GRID1: variants seen among roughly 807,000 people sequenced by gnomAD.
GRID1 encodes glutamate ionotropic receptor delta type subunit 1.
A neutral mutation model predicts 98.0 loss-of-function variants in GRID1; 28 were observed. The ratio of observed to expected loss-of-function variants is 0.29; its 90% CI spans 0.21 to 0.39. The LOEUF is 0.39. Ranked by LOEUF, GRID1 falls within the 10% of genes least tolerant of loss-of-function variation. The pLI, the probability that GRID1 is intolerant of heterozygous loss-of-function variation, is 1.00. For missense variants in GRID1, 1,111 were observed against 1,340.5 expected (o/e 0.83, Z 2.67); for synonymous variants, 553 against 538.5 (o/e 1.03, Z -0.37).
chr10:85,731,697 G>A (rs1361790948), intron 8 of GRID1, among the ~76,000 whole-genome samples: 1 of 151,642 alleles, frequency 6.6e-6, no homozygotes, highest in African/African-American at 2.4e-5. Context: ...AGCTATTTGG[G>A]AGGCTGAGGT....
intron 13 of GRID1, among the ~76,000 whole-genome samples, chr10:85,622,714 C>A (rs184997850): frequency 6.6e-6 from 1 of 152,100 alleles, no homozygotes; most frequent in South Asian, 2.1e-4. Flanking sequence ...TGTCTCAGAT[C>A]GAGGGGCTCA....
At chr10:86,237,291 C>T (rs1429333468) in intron 2 of GRID1, among the ~76,000 whole-genome samples, 3 of 152,148 alleles carry the variant, frequency 2.0e-5, no homozygotes, top group African/African-American at 4.8e-5. Flanking sequence ...AAATTGTAAT[C>T]CCCCCAGTGT....
At chr10:86,022,688 AG>A (rs775617621) in intron 4 of GRID1, among the ~76,000 whole-genome samples, 26 of 152,142 alleles carry the variant, frequency 1.7e-4, no homozygotes, top group Non-Finnish European at 1.8e-4. Flanking sequence ...GAGGCCGAGG[AG>A]GGTAGATCAC....
At chr10:86,039,789 T>C (rs1843320509) in intron 4 of GRID1, among the ~76,000 whole-genome samples, 1 of 152,224 alleles carries the variant, frequency 6.6e-6, no homozygotes. Flanking sequence ...AACAGGTCTT[T>C]AATCCACCAA....
At chr10:86,275,317 A>T (rs375049414) in intron 2 of GRID1, among the ~76,000 whole-genome samples, 2 of 152,186 alleles carry the variant, frequency 1.3e-5, no homozygotes, top group Non-Finnish European at 2.9e-5. Context: ...TATGTTTTCT[A>T]GAGTTAACAC....
At chr10:85,709,136 G>T (rs1212378069) in intron 12 of GRID1, 3 of 337,992 alleles carry the variant, frequency 8.9e-6, no homozygotes, top group South Asian at 3.3e-5. Flanking sequence ...CAATGTGTCA[G>T]GTGCTGCAGA....
chr10:86,361,449 A>G (rs1418064400), intron 2 of GRID1, among the ~76,000 whole-genome samples: 1 of 152,208 alleles, frequency 6.6e-6, no homozygotes, highest in Non-Finnish European at 1.5e-5. Context: ...CTGTCAACCA[A>G]GAATCTAACT....
chr10:85,995,130 C>A (rs945734115), intron 4 of GRID1, among the ~76,000 whole-genome samples: 1 of 152,138 alleles, frequency 6.6e-6, no homozygotes. Flanking sequence ...GAAAATAATG[C>A]TACAGCCATA....
At chr10:85,982,635 G>C (rs1842560000) in intron 4 of GRID1, among the ~76,000 whole-genome samples, 2 of 152,202 alleles carry the variant, frequency 1.3e-5, no homozygotes, top group South Asian at 2.1e-4. Context: ...CTGAGCCTCA[G>C]TGTCTTCCTC....
chr10:85,805,913 G>A (rs2131741444), intron 8 of GRID1, among the ~76,000 whole-genome samples: 1 of 151,440 alleles, frequency 6.6e-6, no homozygotes, highest in East Asian at 1.9e-4. Context: ...TGTGACTTTG[G>A]GATGGACAAA....
chr10:86,073,896 C>G (rs1028523429), intron 4 of GRID1, among the ~76,000 whole-genome samples: 8 of 152,198 alleles, frequency 5.3e-5, no homozygotes, highest in African/African-American at 1.9e-4. Flanking sequence ...CCGCAGCAGA[C>G]AGGCGCTCTG....
intron 2 of GRID1, among the ~76,000 whole-genome samples, chr10:86,350,625 T>C (rs1848449980): frequency 6.6e-6 from 1 of 152,190 alleles, no homozygotes; most frequent in Non-Finnish European, 1.5e-5. Flanking sequence ...CTGGGCAGTT[T>C]GTAATGTATT....
At chr10:85,627,384 C>T (rs756232553) in intron 13 of GRID1, among the ~76,000 whole-genome samples, 1 of 152,156 alleles carries the variant, frequency 6.6e-6, no homozygotes, top group African/African-American at 2.4e-5. Flanking sequence ...ATGGTAAACG[C>T]TAAATAAATA....
At chr10:85,901,071 C>T (rs949580234) in intron 5 of GRID1, among the ~76,000 whole-genome samples, 12 of 152,162 alleles carry the variant, frequency 7.9e-5, no homozygotes, top group African/African-American at 1.9e-4. Context: ...ATAAATGCTG[C>T]GACGCGGATT....
intron 2 of GRID1, among the ~76,000 whole-genome samples, chr10:86,321,907 A>G (rs1270199264): frequency 3.9e-5 from 6 of 152,186 alleles, no homozygotes; most frequent in Non-Finnish European, 4.4e-5. Context: ...ACACAAAGAC[A>G]AGCAGGCAAC....
chr10:86,292,405 G>A (rs914939075), intron 2 of GRID1, among the ~76,000 whole-genome samples: 3 of 152,248 alleles, frequency 2.0e-5, no homozygotes, highest in African/African-American at 7.2e-5. Context: ...TTGCCCTGCA[G>A]CCACATGCCC....
At chr10:86,069,414 C>G (rs1843766884) in intron 4 of GRID1, among the ~76,000 whole-genome samples, 1 of 152,126 alleles carries the variant, frequency 6.6e-6, no homozygotes, top group Non-Finnish European at 1.5e-5. Context: ...TTTGGGAGGC[C>G]GAGGCGGGCG....
chr10:86,095,297 A>G (rs906460579), intron 4 of GRID1, among the ~76,000 whole-genome samples: 9 of 152,238 alleles, frequency 5.9e-5, no homozygotes, highest in African/African-American at 1.2e-4. Flanking sequence ...TGGCTTAGGC[A>G]AGGATTTCGT....
In GRID1 at chr10:85,916,243, C is replaced by A. The variant is rs1841618639; in HGVS notation, c.727-4G>T. 4 of 1,610,586 alleles carry A rather than the reference C, an allele frequency of 2.5e-6. No homozygotes were observed. The South Asian group carries it at 4.4e-5, about 18-fold the overall frequency. ...AAGCCAGGTTGGTCTCCACGGCCTG[C>A]AGAGAGAAAAAGAACGAACATGAAC... is the stretch of plus-strand genomic sequence containing the variant. On this transcript the variant is annotated splice_region_variant and splice_polypyrimidine_tract_variant and intron_variant, in intron 4 of 15. Coordinates refer to ENST00000327946, the MANE Select transcript of GRID1 (RefSeq NM_017551.3). The surrounding 1 kb of genome is among the most constrained non-coding windows in gnomAD (Gnocchi z 4.0).
Sources: gnomAD v4.1 joint callset for allele counts (sites outside exome capture counted in the v4.1 genomes callset) on GRCh38, gnomAD v4.1.1 for gene constraint, Gnocchi (gnomAD v3.1) non-coding constraint, MANE v1.5 for transcripts, NCBI Gene and HGNC (gene_info 2026-07-23, HGNC 2026-07-21) for gene names.